SEC23A: variants seen among roughly 807,000 people sequenced by gnomAD.
SEC23A encodes the protein SEC23 homolog A, COPII component, also known as protein transport protein Sec23A.
In SEC23A, 56 loss-of-function variants were observed where a neutral mutation model predicts 103.7. The observed-to-expected ratio is 0.54, with a 90% confidence interval of 0.44 to 0.67. The LOEUF is 0.67. Among genes scored for constraint, SEC23A ranks in the 30% least tolerant of loss-of-function variants. The probability of loss-of-function intolerance (pLI) is 0.00; values close to 1 mark genes in which losing one functional copy is unlikely to be tolerated. For synonymous variants in SEC23A, 281 were observed against 293.0 expected (o/e 0.96, Z 0.42); for missense variants, 784 against 936.4 (o/e 0.84, Z 2.12).
In SEC23A at chr14:39,032,857, G is replaced by T. The variant is rs1885344759; in HGVS notation, c.*382C>A. On this transcript the variant is annotated 3_prime_UTR_variant, in exon 20 of 20. Transcript: ENST00000307712. Reference sequence around the variant, plus strand: ...ATTACTATTGTTTTTTTGCTTTCTGGCTAAAATTAAGGAACAAGTTTTTAA... The same window carrying T: ...ATTACTATTGTTTTTTTGCTTTCTGTCTAAAATTAAGGAACAAGTTTTTAA... The T allele has an allele frequency of 5.9e-6, 1 of 168,436 alleles. No homozygotes were observed. Among genetic ancestry groups the T allele is most frequent in the Non-Finnish European group, 1.3e-5 (1 of 77,456 alleles). 10.4% of individuals were successfully genotyped at this position (168,436 alleles called of 1,614,324 possible). A position where few individuals can be genotyped will look rare whatever the true frequency, so the allele number is the denominator to read the frequency against.
intron 1 of SEC23A, among the ~76,000 whole-genome samples, chr14:39,102,706 G>C (rs940091865): frequency 1.3e-5 from 2 of 152,150 alleles, no homozygotes; most frequent in African/African-American, 2.4e-5. Flanking sequence ...GTAAGTCCAA[G>C]GGCCCAGAGG....
In SEC23A at chr14:39,055,130, G is replaced by A. The variant is rs1886197031; in HGVS notation, c.1659+13C>T. On this transcript the variant is annotated intron_variant, in intron 14 of 19. Coordinates refer to ENST00000307712, the MANE Select transcript of SEC23A (RefSeq NM_006364.4). ...GCATACAGATTTAGAAAAGCACAGT[G>A]TTTATTTCTTACCAGTCGAATGAGC... The A allele has an allele frequency of 6.2e-7, 1 of 1,613,856 alleles. No homozygotes were observed. Among genetic ancestry groups the A allele is most frequent in the Non-Finnish European group, 8.5e-7 (1 of 1,179,902 alleles).
At chr14:39,035,705 C>A (rs1268789296) in intron 19 of SEC23A, among the ~76,000 whole-genome samples, 1 of 152,204 alleles carries the variant, frequency 6.6e-6, no homozygotes, top group Non-Finnish European at 1.5e-5. Context: ...AATCTCTGCT[C>A]TCTCCTGTCC....
At chr14:39,102,415 C>T (rs1317371778) in intron 1 of SEC23A, among the ~76,000 whole-genome samples, 1 of 152,180 alleles carries the variant, frequency 6.6e-6, no homozygotes, top group Non-Finnish European at 1.5e-5. Context: ...AACGAGAATT[C>T]CACATCCCCA....
chr14:39,084,804 G>C (rs911830565), intron 7 of SEC23A, among the ~76,000 whole-genome samples: 2 of 152,158 alleles, frequency 1.3e-5, no homozygotes, highest in Non-Finnish European at 2.9e-5. Flanking sequence ...CCAAGTAGCT[G>C]GGAGTACAGG....
At chr14:39,049,426 A>T (rs1885965315) in intron 14 of SEC23A, among the ~76,000 whole-genome samples, 1 of 151,680 alleles carries the variant, frequency 6.6e-6, no homozygotes, top group Non-Finnish European at 1.5e-5. Flanking sequence ...CAGTGAGCTG[A>T]GATCGTGCCA....
chr14:39,042,116 A>G (rs1885668854), intron 17 of SEC23A, among the ~76,000 whole-genome samples: 2 of 152,194 alleles, frequency 1.3e-5, no homozygotes, highest in African/African-American at 4.8e-5. Context: ...ATTTACAATT[A>G]AAGCAACTGA....
intron 1 of SEC23A, among the ~76,000 whole-genome samples, 175 bp downstream of exon 1, chr14:39,102,857 G>A (rs1375965484): frequency 6.6e-6 from 1 of 152,164 alleles, no homozygotes; most frequent in African/African-American, 2.4e-5. Context: ...CCGGCAGAGC[G>A]AAGTGGGTGA....
chr14:39,044,146 C>G (rs1395390724), intron 16 of SEC23A, among the ~76,000 whole-genome samples: 1 of 151,800 alleles, frequency 6.6e-6, no homozygotes, highest in Non-Finnish European at 1.5e-5. Context: ...AAGCAAAACC[C>G]TAAGAACATG....
intron 11 of SEC23A, chr14:39,064,462 T>G (rs1374152086): frequency 6.5e-6 from 1 of 154,020 alleles, no homozygotes; most frequent in African/African-American, 2.4e-5. Context: ...GTCTCCAAAT[T>G]TCCAAATCAT....
chr14:39,101,634 A>C (rs1385511581), intron 1 of SEC23A, among the ~76,000 whole-genome samples: 1 of 151,902 alleles, frequency 6.6e-6, no homozygotes, highest in African/African-American at 2.4e-5. Context: ...AAAAAAAAAA[A>C]AACAAAAAAG....
chr14:39,057,318 A>AC (rs1480127787), intron 13 of SEC23A, among the ~76,000 whole-genome samples: 8 of 151,742 alleles, frequency 5.3e-5, no homozygotes, highest in South Asian at 2.1e-4. Context: ...AAAAAAAAAA[A>AC]ACTTTAAAGT....
At chr14:39,052,382 C>T (rs1191068617) in intron 14 of SEC23A, among the ~76,000 whole-genome samples, 1 of 152,102 alleles carries the variant, frequency 6.6e-6, no homozygotes, top group Non-Finnish European at 1.5e-5. Flanking sequence ...GAGAACAATT[C>T]TAGACATAAG....
At position 39,062,037 on chromosome 14, in the gene SEC23A, G is replaced by A. The variant is rs7155219; in HGVS notation, c.1399-166C>T. On this transcript the variant is annotated intron_variant, in intron 12 of 19. Transcript: ENST00000307712. ...AGTTATAATTTGTTACACAGAAGAG[G>A]AGAAATTAATTTGGAGAGGAGGAAA... is the stretch of plus-strand genomic sequence containing the variant. 8.5e-3 allele frequency among the ~76,000 whole-genome samples: 1,300 copies of A among 152,242 alleles called. 20 individuals are homozygous for A. The highest frequency in any genetic ancestry group is 0.029 in the African/African-American group (1,208 of 41,536).
chr14:39,033,153 T>C lies in SEC23A; in HGVS notation c.*86A>G, dbSNP rs2139173984. On this transcript the variant is annotated 3_prime_UTR_variant, in exon 20 of 20. Coordinates refer to ENST00000307712, the MANE Select transcript of SEC23A (RefSeq NM_006364.4). ...ACAAAAAATATAGAGCAATATCTGT[T>C]GGTTTCCACAGATAAATGGAAAAAG... The C allele has an allele frequency of 1.1e-6, 1 of 941,962 alleles. No homozygotes were observed. The highest frequency in any genetic ancestry group is 2.4e-5 in the East Asian group (1 of 41,732). The allele number at this position is 941,962 out of a possible 1,614,324, so 58.4% of individuals were successfully genotyped here. A position where few individuals can be genotyped will look rare whatever the true frequency, so the allele number is the denominator to read the frequency against.
chr14:39,052,742 A>G (rs1428143418), intron 14 of SEC23A, among the ~76,000 whole-genome samples: 2 of 152,266 alleles, frequency 1.3e-5, no homozygotes, highest in Non-Finnish European at 2.9e-5. Flanking sequence ...AAGCTATTTC[A>G]GAGTACAACT....
intron 7 of SEC23A, among the ~76,000 whole-genome samples, chr14:39,085,163 AAC>A (rs1304325779): frequency 3.3e-5 from 5 of 152,188 alleles, no homozygotes; most frequent in East Asian, 1.9e-4. Flanking sequence ...AAGCCAAAAG[AAC>A]ACAGTTTGGA....
chr14:39,092,731 G>T, intron 3 of SEC23A, 104 bp from the exon 4 acceptor site: 1 of 683,832 alleles, frequency 1.5e-6, no homozygotes, highest in South Asian at 1.9e-5. Flanking sequence ...TTTTTAAAAA[G>T]GCATTTTCAT....
At chr14:39,096,245 G>T (rs1008217015) in intron 1 of SEC23A, 106 bp from the exon 2 acceptor site, 89 of 790,420 alleles carry the variant, frequency 1.1e-4, no homozygotes, top group Non-Finnish European at 1.6e-4. Flanking sequence ...TAGAAATCAG[G>T]ACCAGCTGGG....
Sources: gnomAD v4.1 joint callset for allele counts (sites outside exome capture counted in the v4.1 genomes callset) on GRCh38, gnomAD v4.1.1 for gene constraint, MANE v1.5 for transcripts, NCBI Gene and HGNC (gene_info 2026-07-23, HGNC 2026-07-21) for gene names.